Variants in SHROOM2 observed in about 807,000 individuals in gnomAD.
SHROOM2 encodes the protein shroom family member 2.
Under a neutral mutation model 75.9 loss-of-function variants are expected in SHROOM2, and 33 were observed. That is an observed-to-expected ratio of 0.43 (90% CI 0.33 to 0.58). The LOEUF is 0.58. Ranked by LOEUF, SHROOM2 falls within the 20% of genes least tolerant of loss-of-function variation. The pLI, the probability that SHROOM2 is intolerant of heterozygous loss-of-function variation, is 0.04. For synonymous variants in SHROOM2, 655 were observed against 663.6 expected (o/e 0.99, Z 0.20); for missense variants, 1,434 against 1,461.2 (o/e 0.98, Z 0.30).
At chrX:9,864,538 G>C (rs763107370) in intron 1 of SHROOM2, among the ~76,000 whole-genome samples, 1 of 111,264 alleles carries the variant, frequency 9.0e-6, no homozygotes, top group Non-Finnish European at 1.9e-5. Context: ...AAATAAATAG[G>C]CCGGGCGCGG....
At chrX:9,871,856 A>C (rs2146794776) in intron 1 of SHROOM2, among the ~76,000 whole-genome samples, 1 of 112,000 alleles carries the variant, frequency 8.9e-6, no homozygotes, top group South Asian at 3.8e-4. Flanking sequence ...GGACGGCATT[A>C]GCTTCAGGCT....
At chrX:9,897,698 AAAG>A (rs2084341608) in intron 4 of SHROOM2, among the ~76,000 whole-genome samples, 1 of 109,589 alleles carries the variant, frequency 9.1e-6, no homozygotes. Flanking sequence ...AAAAAAAAAA[AAAG>A]AACCACTAGT....
rs898416995 is a variant in SHROOM2 at position 9,949,343 on chromosome X, C to G, written c.*2406C>G. 1 of 331,001 alleles carries G rather than the reference C, an allele frequency of 3.0e-6. No individual in the cohort carries two copies. The highest frequency in any genetic ancestry group is 5.9e-6 in the Non-Finnish European group (1 of 170,108). The allele number at this position is 331,001 out of a possible 1,213,427, so 27.3% of individuals were successfully genotyped here. Reference sequence around the variant, plus strand: ...GTGGCTTGTATCCTTCAGTCCACCACAGCAAATGTGTGTAGATTTCATGCT... The same window carrying G: ...GTGGCTTGTATCCTTCAGTCCACCAGAGCAAATGTGTGTAGATTTCATGCT... On this transcript the variant is annotated 3_prime_UTR_variant, in exon 10 of 10. Coordinates refer to ENST00000380913, the MANE Select transcript of SHROOM2 (RefSeq NM_001649.4).
At chrX:9,862,685 C>T (rs1191372456) in intron 1 of SHROOM2, among the ~76,000 whole-genome samples, 3 of 111,971 alleles carry the variant, frequency 2.7e-5, no homozygotes, top group East Asian at 2.8e-4. Context: ...CCCTTTCCAC[C>T]GCCCGCGTGC....
intron 1 of SHROOM2, among the ~76,000 whole-genome samples, chrX:9,828,194 A>C (rs2083898034): frequency 8.9e-6 from 1 of 112,400 alleles, no homozygotes; most frequent in Non-Finnish European, 1.9e-5. Flanking sequence ...AAACCATCAG[A>C]TCTTGTGAGA....
chrX:9,804,795 G>T, intron 1 of SHROOM2, among the ~76,000 whole-genome samples: 1 of 111,525 alleles, frequency 9.0e-6, no homozygotes, highest in Non-Finnish European at 1.9e-5. Flanking sequence ...GCCCTGGAGG[G>T]TGGAACGTTG....
chrX:9,865,183 C>A (rs1452097601), intron 1 of SHROOM2: 1 of 111,834 alleles, frequency 8.9e-6, no homozygotes, highest in African/African-American at 3.3e-5. Flanking sequence ...AAATATATAC[C>A]AAAAAACAAC....
chrX:9,844,880 G>C (rs1378417239), intron 1 of SHROOM2, among the ~76,000 whole-genome samples: 2 of 111,791 alleles, frequency 1.8e-5, no homozygotes, highest in Non-Finnish European at 3.8e-5. Context: ...GTGTTTGAAA[G>C]TTCTTGGCGA....
chrX:9,832,667 C>T (rs867497279), intron 1 of SHROOM2, among the ~76,000 whole-genome samples: 1 of 108,144 alleles, frequency 9.2e-6, no homozygotes, highest in African/African-American at 3.4e-5. Context: ...CCCAGCTGAC[C>T]GCTGAGCTCA....
chrX:9,800,114 C>T (rs1315367715), intron 1 of SHROOM2, among the ~76,000 whole-genome samples: 1 of 111,239 alleles, frequency 9.0e-6, no homozygotes, highest in African/African-American at 3.3e-5. Flanking sequence ...TCATGCCCAG[C>T]GTCACTGCCT....
Position 9,937,464 on chromosome X carries a change from C to T in SHROOM2, c.3918C>T (p.Ala1306=). 1.7e-6 allele frequency: 2 copies of T among 1,211,396 alleles called. No individual in the cohort carries two copies. Among genetic ancestry groups the T allele is most frequent in the Non-Finnish European group, 2.2e-6 (2 of 895,368 alleles). The change falls in exon 7 of 10, where the codon GCC becomes GCT. Residue 1306 remains alanine, a synonymous_variant. Transcript: ENST00000380913. ...TSPPGLSYMK[A]KEKTVEDLKS... ...CTCCAGGGCTCAGCTACATGAAGGC[C>T]AAAGAGAAGACTGTGGAAGACCTGA... is the stretch of plus-strand genomic sequence containing the variant.
intron 6 of SHROOM2, among the ~76,000 whole-genome samples, chrX:9,933,789 G>T (rs182406653): frequency 2.2e-3 from 247 of 112,031 alleles, no homozygotes; most frequent in Non-Finnish European, 2.7e-3. Context: ...AAGAGCACCG[G>T]CTGTTTAGCT....
chrX:9,851,663 G>A (rs181950754), intron 1 of SHROOM2, among the ~76,000 whole-genome samples: 11 of 101,130 alleles, frequency 1.1e-4, no homozygotes, highest in Non-Finnish European at 1.8e-4. Context: ...ATGGGGTGTT[G>A]CTGTGTTGCC....
intron 1 of SHROOM2, among the ~76,000 whole-genome samples, chrX:9,808,672 G>A (rs533037479): frequency 3.6e-5 from 4 of 110,648 alleles, no homozygotes; most frequent in African/African-American, 1.3e-4. Flanking sequence ...GACCAGCCTG[G>A]CCAACGTGGT....
chrX:9,820,609 C>T (rs2146748996), intron 1 of SHROOM2, among the ~76,000 whole-genome samples: 1 of 112,178 alleles, frequency 8.9e-6, no homozygotes, highest in East Asian at 2.8e-4. Flanking sequence ...AAGTGATCCT[C>T]CTGCCTTGGT....
At chrX:9,915,737 T>C (rs945398476) in intron 5 of SHROOM2, among the ~76,000 whole-genome samples, 1 of 112,348 alleles carries the variant, frequency 8.9e-6, no homozygotes, top group African/African-American at 3.2e-5. Context: ...ATAGTAATTA[T>C]GCATATAAAG....
rs774487127 is a variant in SHROOM2, at chrX:9,835,292, G to A, written c.166-38360G>A. On this transcript the variant is annotated intron_variant, in intron 1 of 9. Coordinates refer to ENST00000380913, the MANE Select transcript of SHROOM2 (RefSeq NM_001649.4). ...AATATATGCACGGACAGATGTGTAT[G>A]GGGCAAATAATTCCCGGGGCTCTGT... 2.7e-5 allele frequency among the ~76,000 whole-genome samples: 3 copies of A among 112,089 alleles called. No individual in the cohort carries two copies. In the East Asian group the frequency reaches 8.4e-4, roughly 32 times the overall value.
intron 1 of SHROOM2, among the ~76,000 whole-genome samples, chrX:9,831,734 C>T (rs771183704): frequency 2.6e-4 from 29 of 111,840 alleles, no homozygotes; most frequent in Non-Finnish European, 4.5e-4. Flanking sequence ...AAGATCGAGG[C>T]GTGGCAGATT....
intron 5 of SHROOM2, among the ~76,000 whole-genome samples, chrX:9,903,488 G>A (rs759143587): frequency 1.9e-4 from 21 of 112,174 alleles, no homozygotes; most frequent in Non-Finnish European, 3.0e-4. Context: ...AGGGATAAAC[G>A]GTAGCTGTAG....
Sources: gnomAD v4.1 joint callset for allele counts (sites outside exome capture counted in the v4.1 genomes callset) on GRCh38, gnomAD v4.1.1 for gene constraint, MANE v1.5 for transcripts, NCBI Gene and HGNC (gene_info 2026-07-23, HGNC 2026-07-21) for gene names.